Variants in PALM2AKAP2 observed in about 807,000 individuals in gnomAD.
PALM2AKAP2 encodes the protein PALM2 and AKAP2 fusion.
A neutral mutation model predicts 71.5 loss-of-function variants in PALM2AKAP2; 37 were observed. That is an observed-to-expected ratio of 0.52 (90% CI 0.40 to 0.68). The LOEUF (loss-of-function observed/expected upper bound fraction) is 0.68, where lower values mean the gene tolerates loss of function less well. PALM2AKAP2 is among the 30% of genes least tolerant of loss of function. PALM2AKAP2 has a pLI of 0.00. For missense variants in PALM2AKAP2, 1,224 were observed against 1,191.8 expected, an observed-to-expected ratio of 1.03 and a Z score of -0.40; for synonymous variants, 468 against 478.8, an observed-to-expected ratio of 0.98 and a Z score of 0.29.
chr9:110,007,960 C>G (rs753190620), intron 6 of PALM2AKAP2, among the ~76,000 whole-genome samples: 19 of 152,224 alleles, frequency 1.2e-4, no homozygotes, highest in Admixed American at 2.6e-4. Context: ...CATGCATCCT[C>G]TAAGCATGCA....
chr9:109,895,514 A>G (rs531345053), intron 3 of PALM2AKAP2, among the ~76,000 whole-genome samples: 2 of 152,220 alleles, frequency 1.3e-5, no homozygotes. Context: ...TTGATCTGGG[A>G]AAGCAGAAGT....
At chr9:109,714,128 A>G (rs1430250703) in intron 1 of PALM2AKAP2, among the ~76,000 whole-genome samples, 2 of 152,230 alleles carry the variant, frequency 1.3e-5, no homozygotes, top group African/African-American at 4.8e-5. Context: ...TGTCTCAGGG[A>G]CATTTCATGT....
intron 1 of PALM2AKAP2, among the ~76,000 whole-genome samples, chr9:110,057,207 A>G (rs1833860748): frequency 6.6e-6 from 1 of 152,038 alleles, no homozygotes; most frequent in South Asian, 2.1e-4. Context: ...ATCATAGCTT[A>G]CTGCAACCTT....
rs188600447 is a variant in PALM2AKAP2 at position 109,862,847 on chromosome 9, G to A, written c.46-4644G>A. On this transcript the variant is annotated intron_variant, in intron 1 of 9. Coordinates refer to the PALM2AKAP2 transcript ENST00000302798. ...GAAGCAGCAGTGCACATCGATTATT[G>A]TTAGAGGAAGCAATAAGAACAAAAC... 3.2e-5 allele frequency: 16 copies of A among 496,898 alleles called. No homozygotes were observed. The Admixed American group carries it at 3.3e-4, about 10-fold the overall frequency. The allele number at this position is 496,898 out of a possible 1,614,324, so 30.8% of individuals were successfully genotyped here.
intron 1 of PALM2AKAP2, among the ~76,000 whole-genome samples, chr9:109,669,901 C>A (rs1402697599): frequency 6.6e-6 from 1 of 151,432 alleles, no homozygotes; most frequent in East Asian, 1.9e-4. Context: ...TATTGTTTAT[C>A]TTTCATTTTC....
intron 1 of PALM2AKAP2, among the ~76,000 whole-genome samples, chr9:109,733,058 A>G (rs1206946589): frequency 6.6e-6 from 1 of 152,170 alleles, no homozygotes; most frequent in Non-Finnish European, 1.5e-5. Flanking sequence ...ATTATATTCT[A>G]TAGGGGCTGG....
intron 2 of PALM2AKAP2, among the ~76,000 whole-genome samples, 199 bp from the exon 9 acceptor site, chr9:110,156,120 T>C (rs755255287): frequency 3.3e-5 from 5 of 152,210 alleles, no homozygotes; most frequent in Non-Finnish European, 7.3e-5. Flanking sequence ...CTTGGTGTCC[T>C]TGAGATCTTT....
At chr9:109,653,729 A>G (rs2132234835) in intron 1 of PALM2AKAP2, among the ~76,000 whole-genome samples, 1 of 152,262 alleles carries the variant, frequency 6.6e-6, no homozygotes, top group African/African-American at 2.4e-5. Flanking sequence ...TGCAGACCAC[A>G]CTCTGAGTAG....
intron 1 of PALM2AKAP2, among the ~76,000 whole-genome samples, chr9:110,055,543 T>G (rs75590060): frequency 0.02 from 2,983 of 152,282 alleles, 114 homozygotes; most frequent in African/African-American, 0.069. Flanking sequence ...TCCTATTCAT[T>G]AGTGTTCTAC....
At chr9:110,161,712 G>T (rs1462851637) in intron 3 of PALM2AKAP2, among the ~76,000 whole-genome samples, 1 of 152,144 alleles carries the variant, frequency 6.6e-6, no homozygotes, top group Non-Finnish European at 1.5e-5. Flanking sequence ...CCTACGGGAA[G>T]AGAAAAGGCT....
At chr9:109,789,223 T>C (rs779903659) in intron 1 of PALM2AKAP2, among the ~76,000 whole-genome samples, 1 of 152,162 alleles carries the variant, frequency 6.6e-6, no homozygotes, top group Non-Finnish European at 1.5e-5. Context: ...GACAGCCCCA[T>C]TGAGAGAGGC....
intron 1 of PALM2AKAP2, among the ~76,000 whole-genome samples, chr9:109,679,796 AT>A (rs1827703348): frequency 6.6e-6 from 1 of 152,190 alleles, no homozygotes; most frequent in Admixed American, 6.5e-5. Context: ...TCTCTGGTTG[AT>A]TATTAGACTA....
At chr9:109,678,742 C>A (rs552383824) in intron 1 of PALM2AKAP2, among the ~76,000 whole-genome samples, 19 of 152,056 alleles carry the variant, frequency 1.2e-4, no homozygotes, top group Non-Finnish European at 2.5e-4. Flanking sequence ...GTTTTCTTTT[C>A]TTTTTTTCTG....
At position 109,650,168 on chromosome 9, in the gene PALM2AKAP2, C is replaced by G. The variant is rs531384685; in HGVS notation, c.5+9302C>G. On this transcript the variant is annotated intron_variant, in intron 1 of 6. Transcript: ENST00000374531. ...TCCATCAGTTCACTCTGGTAGGGAA[C>G]CAGCCCCTTCACACAGATGTCCCCC... 3.9e-5 allele frequency among the ~76,000 whole-genome samples: 6 copies of G among 152,176 alleles called. No individual in the cohort carries two copies. The East Asian group carries it at 1.2e-3, about 29-fold the overall frequency.
At chr9:109,878,524 C>T (rs138761865) in intron 2 of PALM2AKAP2, among the ~76,000 whole-genome samples, 1 of 152,176 alleles carries the variant, frequency 6.6e-6, no homozygotes, top group East Asian at 1.9e-4. Flanking sequence ...AATGAAAAGG[C>T]AAGAATAACA....
intron 1 of PALM2AKAP2, among the ~76,000 whole-genome samples, chr9:109,707,670 G>A (rs532929754): frequency 6.6e-6 from 1 of 152,202 alleles, no homozygotes; most frequent in East Asian, 1.9e-4. Context: ...CCCACTAATT[G>A]TGTGAGTTTA....
At chr9:110,027,614 A>C (rs1833204562) in intron 7 of PALM2AKAP2, among the ~76,000 whole-genome samples, 1 of 152,222 alleles carries the variant, frequency 6.6e-6, no homozygotes, top group Admixed American at 6.5e-5. Context: ...CCGTTTGAAA[A>C]GGGTACATTT....
intron 3 of PALM2AKAP2, among the ~76,000 whole-genome samples, chr9:109,917,494 T>TC (rs1312648581): frequency 9.4e-5 from 14 of 148,406 alleles, no homozygotes; most frequent in African/African-American, 3.2e-4. Flanking sequence ...CTTTTTTTTT[T>TC]TTTTTTTTTT....
At chr9:110,061,006 C>T (rs751438831) in intron 1 of PALM2AKAP2, among the ~76,000 whole-genome samples, 6 of 152,176 alleles carry the variant, frequency 3.9e-5, no homozygotes, top group Non-Finnish European at 8.8e-5. Flanking sequence ...ATGTCTTCTT[C>T]CTTAGAGACC....
Sources: gnomAD v4.1 joint callset for allele counts (sites outside exome capture counted in the v4.1 genomes callset) on GRCh38, gnomAD v4.1.1 for gene constraint, MANE v1.5 for transcripts, NCBI Gene and HGNC (gene_info 2026-07-23, HGNC 2026-07-21) for gene names.